Variants in F11 observed in about 807,000 individuals in gnomAD.
F11 encodes coagulation factor XI, also known as coagualtion factor XI.
Under a neutral mutation model 76.5 loss-of-function variants are expected in F11, and 78 were observed. That is an observed-to-expected ratio of 1.02 (90% CI 0.85 to 1.23). The LOEUF is 1.23. Among genes scored for constraint, F11 ranks in the 50% most tolerant of loss-of-function variants. The probability of loss-of-function intolerance (pLI) is 0.00; values close to 1 mark genes in which losing one functional copy is unlikely to be tolerated. For missense variants in F11, 742 were observed against 771.4 expected (o/e 0.96, Z 0.45); for synonymous variants, 278 against 276.3 (o/e 1.01, Z -0.06).
intron 5 of F11, 79 bp from the exon 6 acceptor site, chr4:186,275,708 G>A (rs1011770892): frequency 1.9e-5 from 20 of 1,066,872 alleles, no homozygotes; most frequent in Non-Finnish European, 2.5e-5. Context: ...CTCTCCAAAG[G>A]GGACTTTCTT....
rs1275679042 is a variant in F11, at chr4:186,280,400, G to A, written c.1028+15G>A. ...AACGAAGGGAAGTAAGCCATATGAAGGGTTATGCAGACACCCTTGTCCCGT... is the reference window on the plus strand; with the variant it reads ...AACGAAGGGAAGTAAGCCATATGAAAGGTTATGCAGACACCCTTGTCCCGT... On this transcript the variant is annotated intron_variant, in intron 9 of 14. Transcript: ENST00000403665. 2 of 1,614,062 alleles carry A rather than the reference G, an allele frequency of 1.2e-6. No homozygotes were observed. Among genetic ancestry groups the A allele is most frequent in the African/African-American group, 2.7e-5 (2 of 74,916 alleles).
At chr4:186,282,358 G>A (rs1740869147) in intron 10 of F11, 2 of 985,302 alleles carry the variant, frequency 2.0e-6, no homozygotes, top group African/African-American at 3.5e-5. Context: ...TTTGGAGGGA[G>A]TGAATTAGAT....
At chr4:186,276,582 CTTTTT>C (rs33965536) in intron 7 of F11, among the ~76,000 whole-genome samples, 192 bp downstream of exon 7, 7 of 75,912 alleles carry the variant, frequency 9.2e-5, no homozygotes, top group African/African-American at 2.5e-4. Context: ...ACCGAGGACT[CTTTTT>C]TTTTTTTTTT....
At chr4:186,286,192 G>A in intron 12 of F11, 1 of 544,354 alleles carries the variant, frequency 1.8e-6, no homozygotes. Context: ...AGTTGGATGA[G>A]GAGTTAGCGG....
At chr4:186,286,915 A>C (rs1488521040) in intron 13 of F11, among the ~76,000 whole-genome samples, 1 of 152,194 alleles carries the variant, frequency 6.6e-6, no homozygotes, top group Non-Finnish European at 1.5e-5. Context: ...GTAATTATAA[A>C]AGGTCTGTGA....
rs121965067 is a variant in F11 at position 186,284,167 on chromosome 4, C to A, written c.1211C>A (p.Thr404Asn). 6.2e-7 allele frequency: 1 copy of A among 1,614,222 alleles called. No individual in the cohort carries two copies. The highest frequency in any genetic ancestry group is 8.5e-7 in the Non-Finnish European group (1 of 1,180,052). ...CGTGGTGAGTGGCCGTGGCAGGTGA[C>A]CCTGCACACAACCTCACCCACTCAG... ...SVRGEWPWQV[T>N]LHTTSPTQRH... The change falls in exon 11 of 15, where the codon ACC (threonine) becomes AAC (asparagine). Residue 404 changes from threonine to asparagine, a missense_variant. Physicochemically the swap from Thr to Asn is moderately conservative, Grantham distance 65. Transcript: ENST00000403665.
intron 3 of F11, among the ~76,000 whole-genome samples, chr4:186,272,086 C>A (rs141183723): frequency 6.6e-6 from 1 of 151,724 alleles, no homozygotes; most frequent in Admixed American, 6.6e-5. Context: ...TAATTTTTGT[C>A]GTGCTTCTCA....
At chr4:186,285,965 A>G in intron 12 of F11, 152 bp downstream of exon 12, 2 of 858,362 alleles carry the variant, frequency 2.3e-6, no homozygotes, top group East Asian at 5.2e-5. Flanking sequence ...TCACTCTGCT[A>G]AGGCTGACAC....
At position 186,274,241 on chromosome 4, in the gene F11, T is replaced by G; in HGVS notation, c.451T>G (p.Tyr151Asp). ...TDDVHCHFFT[Y>D]ATRQFPSLEH... ...TGACGTCCACTGCCACTTTTTCACGTACGCCACAAGGCAGTTTCCCAGCCT... is the reference window on the plus strand; with the variant it reads ...TGACGTCCACTGCCACTTTTTCACGGACGCCACAAGGCAGTTTCCCAGCCT... The change falls in exon 5 of 15, where the codon TAC becomes GAC. Residue 151 changes from tyrosine (Y) to aspartate (D), a missense_variant. Coordinates refer to ENST00000403665, the MANE Select transcript of F11 (RefSeq NM_000128.4). 6.2e-7 allele frequency: 1 copy of G among 1,614,238 alleles called. No individual in the cohort carries two copies. The highest frequency in any genetic ancestry group is 1.6e-4 in the Middle Eastern group (1 of 6,062).
At chr4:186,285,603 A>G in intron 11 of F11, 35 bp from the exon 12 acceptor site, 1 of 1,604,576 alleles carries the variant, frequency 6.2e-7, no homozygotes, top group Non-Finnish European at 8.5e-7. Context: ...TTTTTAGTAA[A>G]GGAAATTTCT....
intron 4 of F11, 94 bp downstream of exon 4, chr4:186,273,271 C>T (rs1740117289): frequency 1.0e-6 from 1 of 986,794 alleles, no homozygotes. Flanking sequence ...TGAAACACTG[C>T]TATGTGGAAA....
intron 7 of F11, among the ~76,000 whole-genome samples, chr4:186,277,780 T>C (rs1740490361): frequency 6.6e-6 from 1 of 152,162 alleles, no homozygotes; most frequent in Non-Finnish European, 1.5e-5. Flanking sequence ...GTACACTAGC[T>C]AAGGTTGCTG....
In F11 at chr4:186,283,132, G is replaced by A. The variant is rs183406324; in HGVS notation, c.1136-960G>A. ...AAAGAATTTCAGGACCCACACAGAT[G>A]TTACTGAGTCAGAATCTGCATTTTG... On this transcript the variant is annotated intron_variant, in intron 10 of 14. Coordinates refer to ENST00000403665, the MANE Select transcript of F11 (RefSeq NM_000128.4). 6.4e-6 allele frequency: 5 copies of A among 780,946 alleles called. No homozygotes were observed. In the East Asian group the frequency reaches 5.1e-4, roughly 79 times the overall value. 48.4% of individuals were successfully genotyped at this position (780,946 alleles called of 1,614,324 possible).
chr4:186,272,851 T>C, intron 3 of F11: 1 of 481,956 alleles, frequency 2.1e-6, no homozygotes, highest in Non-Finnish European at 3.8e-6. Flanking sequence ...GACACATTCC[T>C]GTTTGTTCCT....
intron 4 of F11, 106 bp from the exon 5 acceptor site, chr4:186,274,010 G>A (rs1440176458): frequency 2.3e-6 from 3 of 1,281,554 alleles, no homozygotes; most frequent in Admixed American, 3.4e-5. Flanking sequence ...AGACCTCTGA[G>A]GAAAGGTGGG....
At chr4:186,269,353 T>C (rs1739746019) in intron 2 of F11, among the ~76,000 whole-genome samples, 3 of 152,256 alleles carry the variant, frequency 2.0e-5, no homozygotes. Flanking sequence ...GCAGCCCATG[T>C]GTTTATCAAC....
rs773905328 is a variant in F11, at chr4:186,280,552, C to A, written c.1107C>A (p.Tyr369Ter). The change falls in exon 10 of 15, where the codon TAC becomes TAA. Residue 369 changes from tyrosine (Y) to a stop codon, truncating the protein, a stop_gained. Coordinates refer to ENST00000403665, the MANE Select transcript of F11 (RefSeq NM_000128.4). LOFTEE classifies it high-confidence loss of function. ...ACGGGAGAGGAGGCATCTCTGGATA[C>A]ACATTAAGGTTGTGTAAAATGGATA... Reference protein sequence around the residue: ...ILHGRGGISGYTLRLCKMDNE... With the variant: ...ILHGRGGISG The A allele has an allele frequency of 5.0e-6, 8 of 1,613,760 alleles. No homozygotes were observed. In the East Asian group the frequency reaches 1.8e-4, roughly 36 times the overall value.
intron 7 of F11, among the ~76,000 whole-genome samples, chr4:186,277,360 C>T (rs367637363): frequency 6.6e-6 from 1 of 152,276 alleles, no homozygotes; most frequent in African/African-American, 2.4e-5. Context: ...AATAGTGCTG[C>T]AGTAAACATG....
chr4:186,281,188 C>A (rs939990912), intron 10 of F11, among the ~76,000 whole-genome samples: 1 of 152,166 alleles, frequency 6.6e-6, no homozygotes, highest in African/African-American at 2.4e-5. Context: ...GACCCAGACT[C>A]TGCCAACACT....
Sources: gnomAD v4.1 joint callset for allele counts (sites outside exome capture counted in the v4.1 genomes callset) on GRCh38, gnomAD v4.1.1 for gene constraint, MANE v1.5 for transcripts, NCBI Gene and HGNC (gene_info 2026-07-23, HGNC 2026-07-21) for gene names.